The following RPN2 variants were observed in gnomAD, a reference collection of about 807,000 sequenced individuals.
The protein encoded by RPN2 is dolichyl-diphosphooligosaccharide--protein glycosyltransferase subunit 2.
Under a neutral mutation model 71.4 loss-of-function variants are expected in RPN2, and 29 were observed. That is an observed-to-expected ratio of 0.41 (90% CI 0.30 to 0.55). The LOEUF is 0.55. RPN2 is among the 20% of genes least tolerant of loss of function. The probability of loss-of-function intolerance (pLI) is 0.35; values close to 1 mark genes in which losing one functional copy is unlikely to be tolerated. For synonymous variants in RPN2, 308 were observed against 305.0 expected (o/e 1.01, Z -0.10); for missense variants, 726 against 774.1 (o/e 0.94, Z 0.74).
At chr20:37,205,204 T>C (rs1037650641) in intron 6 of RPN2, among the ~76,000 whole-genome samples, 1 of 151,978 alleles carries the variant, frequency 6.6e-6, no homozygotes, top group African/African-American at 2.4e-5. Context: ...TTCTTCCCAG[T>C]ACCCTTTTCT....
At chr20:37,238,899 C>G (rs990628446) in intron 16 of RPN2, 2 of 509,624 alleles carry the variant, frequency 3.9e-6, no homozygotes, top group Admixed American at 3.9e-5. Flanking sequence ...TTGGGCTAAA[C>G]ATTGTGGTCT....
At chr20:37,197,310 C>A (rs952577777) in intron 2 of RPN2, among the ~76,000 whole-genome samples, 2 of 152,174 alleles carry the variant, frequency 1.3e-5, no homozygotes, top group African/African-American at 4.8e-5. Flanking sequence ...TTGTGAAGAT[C>A]AGTCTTGAAG....
rs1161599473 is a variant in RPN2, at chr20:37,187,452, A to C, written c.207+3079A>C. 2.2e-5 allele frequency among the ~76,000 whole-genome samples: 2 copies of C among 90,820 alleles called. 1 individual carries two copies. Among genetic ancestry groups the C allele is most frequent in the African/African-American group, 9.4e-5 (2 of 21,228 alleles). The allele number at this position is 90,820 out of a possible 152,430, so 59.6% of individuals were successfully genotyped here. On this transcript the variant is annotated intron_variant, in intron 2 of 16. Coordinates refer to ENST00000237530, the MANE Select transcript of RPN2 (RefSeq NM_002951.5). ...GGGAGGCGGAGCTTGCAGTGAGCCG[A>C]GATCCCGCCACTGCACTCCAGCCTG...
chr20:37,205,218 T>G (rs2067486701), intron 6 of RPN2, among the ~76,000 whole-genome samples: 1 of 151,940 alleles, frequency 6.6e-6, no homozygotes, highest in South Asian at 2.1e-4. Context: ...CTTTTCTGCT[T>G]GTCGCCTGAA....
chr20:37,200,771 T>C (rs2067370120), intron 4 of RPN2, among the ~76,000 whole-genome samples: 1 of 152,168 alleles, frequency 6.6e-6, no homozygotes, highest in South Asian at 2.1e-4. Flanking sequence ...CATATTTTGA[T>C]ATCTGCTTTT....
At chr20:37,220,980 G>A (rs530034575) in intron 9 of RPN2, among the ~76,000 whole-genome samples, 236 of 152,294 alleles carry the variant, frequency 1.5e-3, no homozygotes, top group African/African-American at 5.5e-3. Context: ...AATGATGCAA[G>A]TTCACTGCAG....
At chr20:37,186,569 T>A (rs1225701789) in intron 2 of RPN2, among the ~76,000 whole-genome samples, 1 of 152,230 alleles carries the variant, frequency 6.6e-6, no homozygotes, top group Non-Finnish European at 1.5e-5. Flanking sequence ...TGCCACGGCC[T>A]CTCAAAGTGT....
chr20:37,187,550 TG>T (rs937966738), intron 2 of RPN2, among the ~76,000 whole-genome samples: 4 of 152,100 alleles, frequency 2.6e-5, no homozygotes, highest in Non-Finnish European at 4.4e-5. Flanking sequence ...ATTATATTGT[TG>T]GGTTTACATC....
intron 1 of RPN2, among the ~76,000 whole-genome samples, chr20:37,182,024 A>G (rs1171709432): frequency 1.3e-5 from 2 of 152,100 alleles, no homozygotes; most frequent in Admixed American, 6.5e-5. Flanking sequence ...TGTGGCACAT[A>G]GTAGCTCAGT....
intron 13 of RPN2, among the ~76,000 whole-genome samples, chr20:37,231,130 C>A (rs906277121): frequency 1.3e-5 from 2 of 152,068 alleles, no homozygotes; most frequent in Admixed American, 6.5e-5. Flanking sequence ...TTCATTTGGT[C>A]TTTAGAGTAT....
rs200831578 is a variant in RPN2, at chr20:37,199,076, T to C, written c.330T>C (p.Asp110=). 5.0e-6 allele frequency: 8 copies of C among 1,613,842 alleles called. No individual in the cohort carries two copies. Among genetic ancestry groups the C allele is most frequent in the African/African-American group, 2.7e-5 (2 of 75,054 alleles). Residue 110 remains aspartate, a synonymous_variant, in exon 4 of 17, where the codon GAT becomes GAC. Transcript: ENST00000237530. The part of the protein sequence containing the change: ...CEISISNETK[D]LLLAAVSEDS... Reference sequence around the variant, plus strand: ...TCTCTATTTCAAATGAGACCAAAGATCTGCTTCTGGCAGCTGTCAGTGAGG... The same window carrying C: ...TCTCTATTTCAAATGAGACCAAAGACCTGCTTCTGGCAGCTGTCAGTGAGG...
chr20:37,187,785 C>T (rs374103448), intron 2 of RPN2, among the ~76,000 whole-genome samples: 5 of 151,884 alleles, frequency 3.3e-5, no homozygotes, highest in South Asian at 4.2e-4. Flanking sequence ...GGATTACAGA[C>T]GCGCACCACC....
intron 9 of RPN2, among the ~76,000 whole-genome samples, chr20:37,222,298 C>A (rs1434738449): frequency 6.6e-6 from 1 of 152,124 alleles, no homozygotes; most frequent in Non-Finnish European, 1.5e-5. Flanking sequence ...CAATGACAGG[C>A]AATGATCCTA....
intron 2 of RPN2, among the ~76,000 whole-genome samples, chr20:37,188,781 TA>T (rs113535687): frequency 0.029 from 4,254 of 144,756 alleles, 75 homozygotes; most frequent in Middle Eastern, 0.036. Context: ...CATGCCTAGC[TA>T]AATTTTTTTT....
At chr20:37,225,653 C>A in intron 10 of RPN2, 35 bp from the exon 11 acceptor site, 2 of 1,360,904 alleles carry the variant, frequency 1.5e-6, no homozygotes, top group Non-Finnish European at 1.1e-6. Flanking sequence ...ATATACTGAT[C>A]CTCTCTGAAG....
Position 37,228,719 on chromosome 20 carries a change from TGAA to T in RPN2, c.1473_1475del (p.Lys491del). The T allele has an allele frequency of 6.2e-7, 1 of 1,614,218 alleles. No homozygotes were observed. Among genetic ancestry groups the T allele is most frequent in the Non-Finnish European group, 8.5e-7 (1 of 1,180,034 alleles). The stretch of plus-strand genomic sequence containing the variant: ...TACTTAATCATTGGAGATGCCACTT[TGAA>T]GAACCCAATCCTCTGGAATGTGGTA... On this transcript the variant is annotated inframe_deletion, in exon 12 of 17. Coordinates refer to ENST00000237530, the MANE Select transcript of RPN2 (RefSeq NM_002951.5).
At chr20:37,208,793 A>C (rs2067582669) in intron 7 of RPN2, among the ~76,000 whole-genome samples, 1 of 152,238 alleles carries the variant, frequency 6.6e-6, no homozygotes, top group African/African-American at 2.4e-5. Flanking sequence ...TAAGATCTTC[A>C]TGAGAAATTA....
chr20:37,183,082 C>T (rs1387741641), intron 1 of RPN2, among the ~76,000 whole-genome samples: 2 of 152,138 alleles, frequency 1.3e-5, no homozygotes, highest in African/African-American at 4.8e-5. Flanking sequence ...TCAGACATTA[C>T]GCTGTTAAAG....
chr20:37,234,218 C>T (rs1037663328), intron 15 of RPN2, 123 bp downstream of exon 15: 83 of 955,972 alleles, frequency 8.7e-5, no homozygotes, highest in Non-Finnish European at 1.3e-4. Context: ...TTACATTTCC[C>T]TCTTCCTCCT....
Sources: gnomAD v4.1 joint callset for allele counts (sites outside exome capture counted in the v4.1 genomes callset) on GRCh38, gnomAD v4.1.1 for gene constraint, MANE v1.5 for transcripts, NCBI Gene and HGNC (gene_info 2026-07-23, HGNC 2026-07-21) for gene names.